The following MACROD2 variants were observed in gnomAD, a reference collection of about 807,000 sequenced individuals.
MACROD2 encodes the protein mono-ADP ribosylhydrolase 2, also known as ADP-ribose glycohydrolase MACROD2.
A neutral mutation model predicts 70.4 loss-of-function variants in MACROD2; 36 were observed. That is an observed-to-expected ratio of 0.51 (90% CI 0.39 to 0.68). MACROD2 has a LOEUF of 0.68. MACROD2 is among the 30% of genes least tolerant of loss of function. The pLI is 0.00. For missense variants in MACROD2, 496 were observed against 538.4 expected, an observed-to-expected ratio of 0.92 and a Z score of 0.78; for synonymous variants, 172 against 178.8, an observed-to-expected ratio of 0.96 and a Z score of 0.30.
intron 2 of MACROD2, among the ~76,000 whole-genome samples, chr20:14,025,436 A>G (rs1219643505): frequency 6.6e-6 from 1 of 151,844 alleles, no homozygotes; most frequent in African/African-American, 2.4e-5. Flanking sequence ...TTGCTTCTCT[A>G]GTTCTTTGAT....
intron 5 of MACROD2, among the ~76,000 whole-genome samples, chr20:14,914,719 T>C (rs1370168858): frequency 6.6e-6 from 1 of 152,214 alleles, no homozygotes; most frequent in Non-Finnish European, 1.5e-5. Flanking sequence ...TCTAAATCTA[T>C]ATATCTGAGT....
At chr20:14,967,462 C>A (rs939695553) in intron 5 of MACROD2, among the ~76,000 whole-genome samples, 1 of 151,700 alleles carries the variant, frequency 6.6e-6, no homozygotes, top group African/African-American at 2.4e-5. Flanking sequence ...CCGTGCCTGG[C>A]CGGTAGTTTT....
intron 3 of MACROD2, among the ~76,000 whole-genome samples, chr20:14,218,137 G>A (rs1480956773): frequency 6.6e-6 from 1 of 152,032 alleles, no homozygotes; most frequent in Non-Finnish European, 1.5e-5. Context: ...CAATATTATT[G>A]TGTTGCTATC....
At chr20:14,471,413 A>G (rs1265866929) in intron 3 of MACROD2, among the ~76,000 whole-genome samples, 1 of 152,186 alleles carries the variant, frequency 6.6e-6, no homozygotes, top group Non-Finnish European at 1.5e-5. Flanking sequence ...ATGCTGAATG[A>G]CAACAGCATT....
intron 8 of MACROD2, among the ~76,000 whole-genome samples, chr20:15,612,184 T>C (rs899227899): frequency 2.6e-5 from 4 of 152,276 alleles, no homozygotes; most frequent in African/African-American, 7.2e-5. Context: ...TTTCAAATTA[T>C]AGAATACAGC....
At chr20:15,529,948 C>T (rs140374343) in intron 8 of MACROD2, among the ~76,000 whole-genome samples, 9 of 152,098 alleles carry the variant, frequency 5.9e-5, no homozygotes, top group Admixed American at 3.9e-4. Flanking sequence ...CAGCAAGTGA[C>T]GGAGGTCAAC....
rs559698291 is a variant in MACROD2 at position 15,131,939 on chromosome 20, G to C, written c.419-98001G>C. 2.6e-5 allele frequency among the ~76,000 whole-genome samples: 4 copies of C among 151,968 alleles called. No homozygotes were observed. In the East Asian group the frequency reaches 7.7e-4, roughly 29 times the overall value. Reference sequence around the variant, plus strand: ...AATGAGAACAATACTCATATATTGAGTTACTACATGAAAAAAGAAATCCCA... The same window carrying C: ...AATGAGAACAATACTCATATATTGACTTACTACATGAAAAAAGAAATCCCA... On this transcript the variant is annotated intron_variant, in intron 5 of 17. Transcript: ENST00000684519.
At chr20:14,948,633 T>C (rs1042262775) in intron 5 of MACROD2, among the ~76,000 whole-genome samples, 42 of 152,160 alleles carry the variant, frequency 2.8e-4, no homozygotes, top group Admixed American at 1.4e-3. Context: ...AAACCTGTGG[T>C]ACTGCAAGCT....
intron 5 of MACROD2, among the ~76,000 whole-genome samples, chr20:15,171,910 C>T (rs1408610515): frequency 6.6e-6 from 1 of 152,140 alleles, no homozygotes; most frequent in Non-Finnish European, 1.5e-5. Flanking sequence ...CAGCAGCTAG[C>T]ACAATACCTT....
At chr20:15,413,814 T>C (rs928468985) in intron 6 of MACROD2, among the ~76,000 whole-genome samples, 22 of 152,280 alleles carry the variant, frequency 1.4e-4, no homozygotes, top group Admixed American at 5.9e-4. Context: ...AATCACTCTA[T>C]ACAGCTCTCA....
chr20:14,737,105 G>GC (rs11480194), intron 5 of MACROD2, among the ~76,000 whole-genome samples: 1,648 of 151,960 alleles, frequency 0.011, 27 homozygotes, highest in African/African-American at 0.038. Flanking sequence ...CCTTCCCCTA[G>GC]CCCCCACCAC....
chr20:15,605,259 A>G (rs1283866336), intron 8 of MACROD2, among the ~76,000 whole-genome samples: 1 of 152,144 alleles, frequency 6.6e-6, no homozygotes, highest in Admixed American at 6.5e-5. Flanking sequence ...ATGGAAAATC[A>G]TGAGTCTTCC....
At chr20:15,660,667 AG>A (rs2049807636) in intron 8 of MACROD2, among the ~76,000 whole-genome samples, 4 of 152,144 alleles carry the variant, frequency 2.6e-5, no homozygotes, top group Admixed American at 2.6e-4. Flanking sequence ...CTGGGAAAAT[AG>A]ATGCTAAAAT....
intron 5 of MACROD2, among the ~76,000 whole-genome samples, chr20:14,835,699 T>G (rs2073021996): frequency 6.6e-6 from 1 of 151,974 alleles, no homozygotes; most frequent in Non-Finnish European, 1.5e-5. Context: ...CTACTACCAT[T>G]GCTCTGGAAC....
At chr20:14,519,624 A>G (rs1356321003) in intron 4 of MACROD2, among the ~76,000 whole-genome samples, 1 of 152,198 alleles carries the variant, frequency 6.6e-6, no homozygotes, top group African/African-American at 2.4e-5. Context: ...GTGTTTTTGT[A>G]AATTAGTTCA....
At chr20:14,772,639 A>G (rs2072183818) in intron 5 of MACROD2, among the ~76,000 whole-genome samples, 1 of 152,096 alleles carries the variant, frequency 6.6e-6, no homozygotes. Flanking sequence ...TATGGGAGCT[A>G]CAAGATGAGA....
intron 3 of MACROD2, among the ~76,000 whole-genome samples, chr20:14,274,355 A>G (rs1364472037): frequency 6.6e-6 from 1 of 152,198 alleles, no homozygotes; most frequent in Non-Finnish European, 1.5e-5. Flanking sequence ...GCAAATCAAT[A>G]AATGTAATCC....
intron 4 of MACROD2, among the ~76,000 whole-genome samples, chr20:14,572,844 A>G (rs1980293573): frequency 1.3e-5 from 2 of 151,248 alleles, no homozygotes; most frequent in East Asian, 1.9e-4. Context: ...TAATACTCCA[A>G]TAAAATATTT....
intron 5 of MACROD2, among the ~76,000 whole-genome samples, chr20:14,912,492 G>A (rs2074039694): frequency 6.6e-6 from 1 of 152,120 alleles, no homozygotes; most frequent in Non-Finnish European, 1.5e-5. Flanking sequence ...TCCTGTTGGG[G>A]CATGCCAGCT....
Sources: gnomAD v4.1 joint callset for allele counts (sites outside exome capture counted in the v4.1 genomes callset) on GRCh38, gnomAD v4.1.1 for gene constraint, MANE v1.5 for transcripts, NCBI Gene and HGNC (gene_info 2026-07-23, HGNC 2026-07-21) for gene names.